Variants in MIPEP observed in about 807,000 individuals in gnomAD.
The protein encoded by MIPEP is mitochondrial intermediate peptidase.
A neutral mutation model predicts 90.3 loss-of-function variants in MIPEP; 79 were observed. The ratio of observed to expected loss-of-function variants is 0.87; its 90% CI spans 0.73 to 1.05. The LOEUF (loss-of-function observed/expected upper bound fraction) is 1.05. Among genes scored for constraint, MIPEP ranks in the 50% least tolerant of loss-of-function variants. The pLI, the probability that MIPEP is intolerant of heterozygous loss-of-function variation, is 0.00. For synonymous variants in MIPEP, 334 were observed against 315.8 expected (o/e 1.06, Z -0.61); for missense variants, 940 against 905.6 (o/e 1.04, Z -0.49).
chr13:23,782,188 T>G (rs1952789650), intron 16 of MIPEP, among the ~76,000 whole-genome samples: 1 of 152,094 alleles, frequency 6.6e-6, no homozygotes, highest in African/African-American at 2.4e-5. Context: ...ATTCCAAAAT[T>G]GACCACATAG....
intron 16 of MIPEP, among the ~76,000 whole-genome samples, chr13:23,800,680 T>A (rs1953025829): frequency 6.6e-6 from 1 of 152,204 alleles, no homozygotes; most frequent in South Asian, 2.1e-4. Flanking sequence ...AAAGAAAGCA[T>A]CATTATTTAA....
intron 14 of MIPEP, among the ~76,000 whole-genome samples, chr13:23,824,628 C>T (rs902142330): frequency 3.3e-5 from 5 of 152,210 alleles, no homozygotes; most frequent in Admixed American, 2.0e-4. Flanking sequence ...CATTTCCTCA[C>T]GTGTCTATAA....
chr13:23,784,331 C>T (rs1952812565), intron 16 of MIPEP, among the ~76,000 whole-genome samples: 1 of 152,090 alleles, frequency 6.6e-6, no homozygotes, highest in African/African-American at 2.4e-5. Flanking sequence ...AGAAATAACA[C>T]CACACATCTA....
chr13:23,864,281 T>C, intron 7 of MIPEP, 92 bp from the exon 8 acceptor site: 1 of 859,586 alleles, frequency 1.2e-6, no homozygotes, highest in South Asian at 1.8e-5. Flanking sequence ...ATAATCTATA[T>C]CCCACAATTC....
Position 23,869,344 on chromosome 13 carries a change from C to T in MIPEP, c.891G>A (p.Gly297=), listed in dbSNP as rs1429418044. 7.4e-6 allele frequency: 12 copies of T among 1,612,930 alleles called. No homozygotes were observed. In the East Asian group the frequency reaches 2.5e-4, roughly 33 times the overall value. ...GAGCCCTGTGAGAAAACGTGGAATACCCCACCAACTTTGCCAGAAGATCTC... is the reference window on the plus strand; with the variant it reads ...GAGCCCTGTGAGAAAACGTGGAATATCCCACCAACTTTGCCAGAAGATCTC... The part of the protein sequence containing the change: ...SSRDLLAKLV[G]YSTFSHRALQ... Residue 297 remains glycine (G), a synonymous_variant, in exon 7 of 19, where the codon GGG becomes GGA. Coordinates refer to ENST00000382172, the MANE Select transcript of MIPEP (RefSeq NM_005932.4).
chr13:23,882,498 T>G (rs1871310756), intron 2 of MIPEP, among the ~76,000 whole-genome samples: 1 of 152,188 alleles, frequency 6.6e-6, no homozygotes, highest in Non-Finnish European at 1.5e-5. Context: ...GTTCGTAGTC[T>G]CCATGTAATA....
At chr13:23,778,851 C>G (rs147405587) in intron 16 of MIPEP, among the ~76,000 whole-genome samples, 41 of 152,244 alleles carry the variant, frequency 2.7e-4, no homozygotes, top group African/African-American at 9.6e-4. Context: ...GAAGATCTCA[C>G]GCCTAGCTCA....
rs555423816 is a variant in MIPEP, at chr13:23,768,054, A to G, written c.1849-7837T>C. On this transcript the variant is annotated intron_variant, in intron 16 of 18. Transcript: ENST00000382172. ...GACGTGTGCAGCTGGGTTCTGCAAA[A>G]GGAAGCTACTCGCCCTCCTTGTCCT... Among the ~76,000 whole-genome samples the G allele has an allele frequency of 6.6e-5, 10 of 152,342 alleles. No individual in the cohort carries two copies. In the South Asian group the frequency reaches 2.1e-3, roughly 32 times the overall value.
At chr13:23,854,093 A>C (rs553593071) in intron 10 of MIPEP, among the ~76,000 whole-genome samples, 43 of 151,690 alleles carry the variant, frequency 2.8e-4, no homozygotes, top group Non-Finnish European at 5.3e-4. Flanking sequence ...TGGGAGGCCG[A>C]GGTGGGCGGA....
At chr13:23,758,201 A>G (rs1295665260) in intron 17 of MIPEP, among the ~76,000 whole-genome samples, 1 of 152,112 alleles carries the variant, frequency 6.6e-6, no homozygotes, top group African/African-American at 2.4e-5. Flanking sequence ...CTTCTCAGCC[A>G]TGGGATGTAG....
chr13:23,830,020 AT>A (rs1868661385), intron 14 of MIPEP, among the ~76,000 whole-genome samples: 1 of 152,226 alleles, frequency 6.6e-6, no homozygotes, highest in Non-Finnish European at 1.5e-5. Context: ...TAGCAGAAAC[AT>A]TTTGAAAAAC....
At chr13:23,815,393 G>A (rs1953222029) in intron 14 of MIPEP, among the ~76,000 whole-genome samples, 1 of 151,182 alleles carries the variant, frequency 6.6e-6, no homozygotes, top group African/African-American at 2.4e-5. Context: ...TTGGCTCACT[G>A]CAACTTCTGC....
At position 23,870,171 on chromosome 13, in the gene MIPEP, C is replaced by T. The variant is rs757571467; in HGVS notation, c.628G>A (p.Val210Ile). 2 of 1,605,926 alleles carry T rather than the reference C, an allele frequency of 1.2e-6. No homozygotes were observed. The highest frequency in any genetic ancestry group is 3.4e-5 in the Admixed American group (2 of 58,670). The change falls in exon 6 of 19, where the codon GTT becomes ATT. Residue 210 changes from valine to isoleucine, a missense_variant. Val to Ile is a conservative substitution (Grantham distance 29). Coordinates refer to ENST00000382172, the MANE Select transcript of MIPEP (RefSeq NM_005932.4). Reference protein sequence around the residue: ...EKRKRAVDLNVKILDLSSTFL... With the variant: ...EKRKRAVDLNIKILDLSSTFL... The stretch of plus-strand genomic sequence containing the variant: ...GTACTACTCAAATCCAAGATTTTAA[C>T]ATTGAGGTCCACTGCTCTTTTACGC...
intron 16 of MIPEP, among the ~76,000 whole-genome samples, chr13:23,799,674 G>A (rs1297747197): frequency 6.6e-6 from 1 of 152,186 alleles, no homozygotes; most frequent in Non-Finnish European, 1.5e-5. Flanking sequence ...TAATATGCCA[G>A]TTTGTTGCTG....
intron 14 of MIPEP, among the ~76,000 whole-genome samples, chr13:23,812,260 G>C (rs1953181403): frequency 6.6e-6 from 1 of 152,114 alleles, no homozygotes; most frequent in South Asian, 2.1e-4. Flanking sequence ...CTTGATGGAT[G>C]TAGGAGTGAG....
intron 10 of MIPEP, among the ~76,000 whole-genome samples, chr13:23,855,745 T>C (rs1870021779): frequency 1.3e-5 from 2 of 152,264 alleles, no homozygotes; most frequent in Admixed American, 6.5e-5. Flanking sequence ...CCCCTTCTGA[T>C]GCATTTCTGC....
intron 16 of MIPEP, among the ~76,000 whole-genome samples, chr13:23,763,328 C>T (rs1952566416): frequency 6.6e-6 from 1 of 152,204 alleles, no homozygotes; most frequent in African/African-American, 2.4e-5. Flanking sequence ...GATACTCCAA[C>T]AAGATACGAG....
At chr13:23,786,269 C>T (rs747595187) in intron 16 of MIPEP, among the ~76,000 whole-genome samples, 17 of 152,004 alleles carry the variant, frequency 1.1e-4, no homozygotes, top group Non-Finnish European at 1.2e-4. Flanking sequence ...AAATTTCATA[C>T]TTTACATCAA....
At chr13:23,813,842 A>G (rs1953204274) in intron 14 of MIPEP, among the ~76,000 whole-genome samples, 1 of 152,182 alleles carries the variant, frequency 6.6e-6, no homozygotes, top group Admixed American at 6.5e-5. Flanking sequence ...CTGTAATTCA[A>G]TTTTGCTGTA....
Sources: allele counts gnomAD v4.1 joint callset (sites outside exome capture counted in the v4.1 genomes callset), GRCh38; gene constraint gnomAD v4.1.1; transcripts MANE v1.5; gene names NCBI Gene and HGNC (gene_info 2026-07-23, HGNC 2026-07-21).